The following SLTM variants were observed in gnomAD, a reference collection of about 807,000 sequenced individuals.
SLTM encodes the protein SAFB-like transcription modulator.
SLTM carries 43 observed loss-of-function variants against 134.6 expected under a neutral mutation model. The ratio of observed to expected loss-of-function variants is 0.32; its 90% CI spans 0.25 to 0.41. The LOEUF (loss-of-function observed/expected upper bound fraction) is 0.41. Among genes scored for constraint, SLTM ranks in the 10% least tolerant of loss-of-function variants. The pLI is 1.00. For missense variants in SLTM, 1,055 were observed against 1,288.8 expected (o/e 0.82, Z 2.78); for synonymous variants, 424 against 432.3 (o/e 0.98, Z 0.24).
At chr15:58,893,187 T>C in intron 13 of SLTM, 92 bp downstream of exon 13, 3 of 1,409,170 alleles carry the variant, frequency 2.1e-6, no homozygotes, top group Non-Finnish European at 9.8e-7. Flanking sequence ...TTTGCTAGCA[T>C]GCAAGTACGC....
At chr15:58,933,325 A>C in intron 1 of SLTM, 79 bp downstream of exon 1, 1 of 1,442,576 alleles carries the variant, frequency 6.9e-7, no homozygotes. Flanking sequence ...GGGCAGCCGG[A>C]GGCTGCGGCG....
intron 6 of SLTM, 118 bp downstream of exon 6, chr15:58,901,142 T>C (rs2035460537): frequency 1.2e-6 from 1 of 821,284 alleles, no homozygotes; most frequent in African/African-American, 1.8e-5. Context: ...ATTCACTAAA[T>C]GGATAAATTT....
intron 2 of SLTM, among the ~76,000 whole-genome samples, chr15:58,920,914 CA>C (rs2036997512): frequency 6.6e-6 from 1 of 151,984 alleles, no homozygotes; most frequent in African/African-American, 2.4e-5. Context: ...GAGATTGCAC[CA>C]GTGCACTCTA....
rs146179763 is a variant in SLTM, at chr15:58,899,514, A to G, written c.1013T>C (p.Leu338Ser). 144 of 1,614,008 alleles carry G rather than the reference A, an allele frequency of 8.9e-5. No homozygotes were observed. Among genetic ancestry groups the G allele is most frequent in the Non-Finnish European group, 1.2e-4 (139 of 1,179,996 alleles). The change falls in exon 7 of 21, where the codon TTG (leucine) becomes TCG (serine). Residue 338 changes from leucine to serine, a missense_variant. Physicochemically the swap from Leu to Ser is moderately radical, Grantham distance 145. This residue lies in a region of SLTM where 776 missense variants were observed against 962.2 expected (regional missense o/e 0.81). Coordinates refer to ENST00000380516, the MANE Select transcript of SLTM (RefSeq NM_024755.4). The surrounding 1 kb of genome is among the most constrained non-coding windows in gnomAD (Gnocchi z 5.0). ...CCCAGTAGACGAGGGCCCTTTCTTCAAAGTATCCTTTTCTTTGTCTCCAGA... is the reference window on the plus strand; with the variant it reads ...CCCAGTAGACGAGGGCCCTTTCTTCGAAGTATCCTTTTCTTTGTCTCCAGA... The part of the protein sequence containing the change: ...AESGDKEKDT[L>S]KKGPSSTGAS...
chr15:58,927,009 A>G (rs1567164091), intron 2 of SLTM, among the ~76,000 whole-genome samples: 2 of 152,228 alleles, frequency 1.3e-5, no homozygotes, highest in Non-Finnish European at 2.9e-5. Context: ...AGCAAGGTTC[A>G]GAGGCTTTTC....
chr15:58,912,795 G>T (rs190806595), intron 4 of SLTM, 185 bp from the exon 5 acceptor site: 4 of 526,168 alleles, frequency 7.6e-6, no homozygotes, highest in Non-Finnish European at 6.8e-6. Flanking sequence ...TAGCCATGTC[G>T]CTAGAGAATT....
In SLTM at chr15:58,902,785, A is replaced by G. The variant is rs2035580577; in HGVS notation, c.562-1498T>C. Among the ~76,000 whole-genome samples, 3 of 149,818 alleles carry G rather than the reference A, an allele frequency of 2.0e-5. No individual in the cohort carries two copies. In the South Asian group the frequency reaches 6.4e-4, roughly 32 times the overall value. ...GTCCACCAGGCTGGAGTGCAGTGGC[A>G]TGATCTCAGCTCACTGCAACCTCCG... On this transcript the variant is annotated intron_variant, in intron 5 of 20. Coordinates refer to ENST00000380516, the MANE Select transcript of SLTM (RefSeq NM_024755.4).
intron 15 of SLTM, 75 bp from the exon 16 acceptor site, chr15:58,889,629 T>A: frequency 6.4e-7 from 1 of 1,565,718 alleles, no homozygotes; most frequent in Non-Finnish European, 8.7e-7. Context: ...CAACCTTGTT[T>A]TAATCCTGTT....
intron 19 of SLTM, among the ~76,000 whole-genome samples, chr15:58,884,085 G>C (rs1324520027): frequency 8.7e-5 from 13 of 149,148 alleles, no homozygotes. Flanking sequence ...GGCAACAAGA[G>C]TGAAACCCCA....
In SLTM at chr15:58,926,613, C is replaced by CT. The variant is rs377711971; in HGVS notation, c.250+5742dup. Among the ~76,000 whole-genome samples, 374 of 141,698 alleles carry CT rather than the reference C, an allele frequency of 2.6e-3. 1 individual carries two copies. Among genetic ancestry groups the CT allele is most frequent in the African/African-American group, 4.8e-3 (187 of 38,998 alleles). The allele number at this position is 141,698 out of a possible 152,430, so 93.0% of individuals were successfully genotyped here. A position where few individuals can be genotyped will look rare whatever the true frequency, so the allele number is the denominator to read the frequency against. ...ACTTTTTTGTACTTTTCTGGATTAC[C>CT]TTTTTTTTTTTTTTTCTTTGAGTCA... On this transcript the variant is annotated intron_variant, in intron 2 of 20. Coordinates refer to ENST00000380516, the MANE Select transcript of SLTM (RefSeq NM_024755.4).
At position 58,892,914 on chromosome 15, in the gene SLTM, T is replaced by C; in HGVS notation, c.1881A>G (p.Arg627=). The stretch of plus-strand genomic sequence containing the variant: ...CTTCCTACCTTCGAAGTTCCATTGC[T>C]CGTCGCAGCCTTTCAAAACGAACTA... The part of the protein sequence containing the change: ...EHLVRFERLR[R]AMELRRRREI... The change falls in exon 14 of 21, where the codon CGA becomes CGG. Residue 627 remains arginine, a synonymous_variant. Transcript: ENST00000380516. The C allele has an allele frequency of 6.2e-7, 1 of 1,613,230 alleles. No individual in the cohort carries two copies. Among genetic ancestry groups the C allele is most frequent in the East Asian group, 2.2e-5 (1 of 44,864 alleles).
intron 2 of SLTM, among the ~76,000 whole-genome samples, chr15:58,924,291 T>C (rs1174514799): frequency 6.6e-6 from 1 of 152,200 alleles, no homozygotes; most frequent in Admixed American, 6.5e-5. Flanking sequence ...ATAACTTGCA[T>C]GATTTGAGGG....
intron 1 of SLTM, among the ~76,000 whole-genome samples, chr15:58,933,081 C>A (rs554559811): frequency 1.3e-5 from 2 of 152,166 alleles, no homozygotes; most frequent in Non-Finnish European, 2.9e-5. Context: ...CAGCGCCTCC[C>A]AGGTCTCCGC....
In SLTM at chr15:58,913,625, A is replaced by G; in HGVS notation, c.387T>C (p.Phe129=). ...GNDELKDSEE[F]GENEEENVHS... is the part of the protein sequence containing the mutation. Reference sequence around the variant, plus strand: ...GCACATTTTCTTCTTCATTTTCACCAAATTCTTCAGAGTCCTTTAGTTCAT... The same window carrying G: ...GCACATTTTCTTCTTCATTTTCACCGAATTCTTCAGAGTCCTTTAGTTCAT... Residue 129 remains phenylalanine (F), a synonymous_variant, in exon 4 of 21, where the codon TTT becomes TTC. Transcript: ENST00000380516. The G allele has an allele frequency of 6.2e-7, 1 of 1,613,612 alleles. No homozygotes were observed. Among genetic ancestry groups the G allele is most frequent in the Non-Finnish European group, 8.5e-7 (1 of 1,179,838 alleles).
At chr15:58,917,112 CTAA>C in intron 2 of SLTM, 113 bp from the exon 3 acceptor site, 1 of 932,414 alleles carries the variant, frequency 1.1e-6, no homozygotes, top group Non-Finnish European at 1.7e-6. Context: ...TCTGACAAAG[CTAA>C]TGTCAACTGC....
chr15:58,901,148 A>C, intron 6 of SLTM, 112 bp downstream of exon 6: 1 of 859,430 alleles, frequency 1.2e-6, no homozygotes, highest in South Asian at 1.6e-5. Flanking sequence ...TAAATGGATA[A>C]ATTTGAAAAT....
Position 58,901,269 on chromosome 15 carries a change from TTTC to T in SLTM, c.577_579del (p.Glu193del), listed in dbSNP as rs762328831. ...CTAGCATCAAACATACCTTTCTCAT[TTTC>T]TTCTTCCTCACCATCCTGAAATTCA... On this transcript the variant is annotated inframe_deletion, in exon 6 of 21. Transcript: ENST00000380516. The T allele has an allele frequency of 2.5e-6, 4 of 1,606,190 alleles. No individual in the cohort carries two copies. The highest frequency in any genetic ancestry group is 1.1e-5 in the South Asian group (1 of 88,998).
intron 2 of SLTM, among the ~76,000 whole-genome samples, chr15:58,919,531 TG>T (rs2036878703): frequency 1.3e-5 from 2 of 151,564 alleles, no homozygotes; most frequent in Admixed American, 6.6e-5. Context: ...ACCCAGGAGG[TG>T]GGAGAACTGC....
In SLTM at chr15:58,898,831, G is replaced by A. The variant is rs1411619165; in HGVS notation, c.1080C>T (p.Asp360=). Reference sequence around the variant, plus strand: ...TGTCATCTTTAGATGATGTCTTGCTGTCTTTAGATTCCTTTGAAGAGCTAA... The same window carrying A: ...TGTCATCTTTAGATGATGTCTTGCTATCTTTAGATTCCTTTGAAGAGCTAA... ...QAKSSSKESK[D]SKTSSKDDKG... is the part of the protein sequence containing the mutation. Residue 360 remains aspartate (D), a synonymous_variant, in exon 8 of 21, where the codon GAC becomes GAT. Coordinates refer to ENST00000380516, the MANE Select transcript of SLTM (RefSeq NM_024755.4). The A allele has an allele frequency of 2.5e-6, 4 of 1,608,610 alleles. No individual in the cohort carries two copies. In the East Asian group the frequency reaches 9.0e-5, roughly 36 times the overall value.
Sources: gnomAD v4.1 joint callset for allele counts (sites outside exome capture counted in the v4.1 genomes callset) on GRCh38, gnomAD v4.1.1 for gene constraint, gnomAD v4.1.1 regional missense constraint, Gnocchi (gnomAD v3.1) non-coding constraint, MANE v1.5 for transcripts, NCBI Gene and HGNC (gene_info 2026-07-23, HGNC 2026-07-21) for gene names.